CGNL1: variants seen among roughly 807,000 people sequenced by gnomAD.
The protein encoded by CGNL1 is cingulin-like protein 1.
CGNL1 carries 132 observed loss-of-function variants against 141.2 expected under a neutral mutation model. The ratio of observed to expected loss-of-function variants is 0.93; its 90% CI spans 0.81 to 1.08. The LOEUF is 1.08. Among genes scored for constraint, CGNL1 ranks in the 50% least tolerant of loss-of-function variants. The pLI is 0.00. For synonymous variants in CGNL1, 690 were observed against 622.1 expected, an observed-to-expected ratio of 1.11 and a Z score of -1.63; for missense variants, 1,870 against 1,588.6, an observed-to-expected ratio of 1.18 and a Z score of -3.01.
chr15:57,398,135 A>T (rs1268374836), intron 1 of CGNL1, among the ~76,000 whole-genome samples: 2 of 152,232 alleles, frequency 1.3e-5, no homozygotes, highest in African/African-American at 4.8e-5. Flanking sequence ...AAAAACCAAT[A>T]GATGCTTATT....
In CGNL1 at chr15:57,452,138, T is replaced by C. The variant is rs776935946; in HGVS notation, c.1906-3T>C. The C allele has an allele frequency of 6.2e-7, 1 of 1,611,030 alleles. No individual in the cohort carries two copies. The highest frequency in any genetic ancestry group is 1.3e-5 in the African/African-American group (1 of 74,726). ...TCTTTAAAATCACACTGATTCCTGT[T>C]AGAATCAACAGAACATTAAAGAAGA... On this transcript the variant is annotated splice_region_variant and splice_polypyrimidine_tract_variant and intron_variant, in intron 5 of 18. Transcript: ENST00000281282.
At chr15:57,482,852 T>G (rs1338377912) in intron 8 of CGNL1, among the ~76,000 whole-genome samples, 2 of 152,072 alleles carry the variant, frequency 1.3e-5, no homozygotes, top group African/African-American at 4.8e-5. Context: ...TGGCATGATC[T>G]CTGCTCACTG....
chr15:57,412,946 G>C (rs2062806832), intron 1 of CGNL1, among the ~76,000 whole-genome samples: 1 of 151,902 alleles, frequency 6.6e-6, no homozygotes, highest in Non-Finnish European at 1.5e-5. Flanking sequence ...TGCAACTTCT[G>C]CCTCCTGGGT....
intron 8 of CGNL1, among the ~76,000 whole-genome samples, chr15:57,467,311 G>A (rs2063521708): frequency 6.6e-6 from 1 of 152,154 alleles, no homozygotes; most frequent in African/African-American, 2.4e-5. Flanking sequence ...GAGGACTGCT[G>A]GCAATCACGA....
intron 8 of CGNL1, among the ~76,000 whole-genome samples, chr15:57,470,489 T>C (rs1425071212): frequency 3.3e-5 from 5 of 151,966 alleles, no homozygotes; most frequent in African/African-American, 4.8e-5. Context: ...GGCTGGGTAA[T>C]GGACAGATCT....
rs1327843358 is a variant in CGNL1, at chr15:57,453,821, A to G, written c.2190+3A>G. The stretch of plus-strand genomic sequence containing the variant: ...GGGAGAAGGGAGCTCTGATTGAGGT[A>G]AGCAGGGCTGTGGGGTCAGGTGATA... On this transcript the variant is annotated splice_donor_region_variant and intron_variant, in intron 7 of 18. Transcript: ENST00000281282. 1 of 1,613,112 alleles carries G rather than the reference A, an allele frequency of 6.2e-7. No homozygotes were observed.
chr15:57,518,039 C>T (rs1159991439), intron 9 of CGNL1, among the ~76,000 whole-genome samples: 2 of 150,872 alleles, frequency 1.3e-5, no homozygotes, highest in Middle Eastern at 3.2e-3. Context: ...GTGGCTCATG[C>T]CTGTAATTCC....
chr15:57,510,951 T>G (rs1353387220), intron 8 of CGNL1, among the ~76,000 whole-genome samples: 1 of 152,146 alleles, frequency 6.6e-6, no homozygotes, highest in African/African-American at 2.4e-5. Flanking sequence ...GAGGTACCCA[T>G]GAAAAGACAA....
rs1257898886 is a variant in CGNL1 at position 57,461,887 on chromosome 15, A to C, written c.2398A>C (p.Thr800Pro). 6.2e-7 allele frequency: 1 copy of C among 1,613,356 alleles called. No homozygotes were observed. Among genetic ancestry groups the C allele is most frequent in the Non-Finnish European group, 8.5e-7 (1 of 1,179,668 alleles). ...QALRESVEEA[T>P]KNVEVLASRS... ...CCTGAGGGAGAGTGTGGAAGAAGCA[A>C]CCAAGGTGAGGGATGGGGCAGGAGA... The change falls in exon 8 of 19, where the codon ACC (threonine) becomes CCC (proline). Residue 800 changes from threonine to proline, a missense_variant. Thr to Pro is a conservative substitution (Grantham distance 38). Transcript: ENST00000281282.
intron 1 of CGNL1, among the ~76,000 whole-genome samples, chr15:57,424,043 G>C (rs2062946630): frequency 6.6e-6 from 1 of 152,170 alleles, no homozygotes; most frequent in Non-Finnish European, 1.5e-5. Context: ...CGCCCCACTT[G>C]GGTCAAAACC....
chr15:57,428,945 C>A (rs540846035), intron 1 of CGNL1, among the ~76,000 whole-genome samples: 83 of 152,136 alleles, frequency 5.5e-4, no homozygotes, highest in African/African-American at 2.0e-3. Flanking sequence ...ATTGCTTGAA[C>A]CCAGGAGGCA....
chr15:57,398,246 T>C (rs1287071096), intron 1 of CGNL1: 3 of 152,258 alleles, frequency 2.0e-5, no homozygotes, highest in Non-Finnish European at 4.4e-5. Flanking sequence ...GTATATTTCT[T>C]TTTTCCCCTC....
At chr15:57,503,028 G>A (rs912696100) in intron 8 of CGNL1, among the ~76,000 whole-genome samples, 1 of 152,182 alleles carries the variant, frequency 6.6e-6, no homozygotes, top group Middle Eastern at 3.2e-3. Flanking sequence ...TTAAGCTACC[G>A]CCTAAGGACG....
intron 7 of CGNL1, among the ~76,000 whole-genome samples, chr15:57,458,803 T>G (rs1190348093): frequency 6.6e-6 from 1 of 152,162 alleles, no homozygotes; most frequent in Non-Finnish European, 1.5e-5. Context: ...GGGTATAATT[T>G]CATAAGATCT....
intron 13 of CGNL1, chr15:57,529,039 A>G (rs979506596): frequency 6.6e-6 from 3 of 455,022 alleles, no homozygotes; most frequent in African/African-American, 4.0e-5. Flanking sequence ...AAATTAGTCT[A>G]ACATTCTCAT....
chr15:57,472,091 A>G (rs897454792), intron 8 of CGNL1, among the ~76,000 whole-genome samples: 11 of 152,102 alleles, frequency 7.2e-5, no homozygotes, highest in African/African-American at 1.7e-4. Flanking sequence ...AAAAAAATAT[A>G]TACATGTGTA....
chr15:57,521,158 G>A (rs1217028880), intron 10 of CGNL1, among the ~76,000 whole-genome samples: 1 of 152,174 alleles, frequency 6.6e-6, no homozygotes, highest in Non-Finnish European at 1.5e-5. Context: ...TCGGAAAAAT[G>A]CAAAGTTGCC....
rs917329860 is a variant in CGNL1 at position 57,549,271 on chromosome 15, G to A, written c.*1781G>A. 1.3e-5 allele frequency: 2 copies of A among 152,502 alleles called. No individual in the cohort carries two copies. The highest frequency in any genetic ancestry group is 6.5e-5 in the Admixed American group (1 of 15,294). 9.4% of individuals were successfully genotyped at this position (152,502 alleles called of 1,614,324 possible). ...GAATATGGGACAGGACATGGTCAGGGAGAGGACCCTGTGAGTTGGTGACAT... is the reference window on the plus strand; with the variant it reads ...GAATATGGGACAGGACATGGTCAGGAAGAGGACCCTGTGAGTTGGTGACAT... On this transcript the variant is annotated 3_prime_UTR_variant, in exon 19 of 19. Coordinates refer to ENST00000281282, the MANE Select transcript of CGNL1 (RefSeq NM_032866.5).
At chr15:57,420,222 T>A (rs1346057909) in intron 1 of CGNL1, among the ~76,000 whole-genome samples, 4 of 152,212 alleles carry the variant, frequency 2.6e-5, no homozygotes, top group Admixed American at 2.6e-4. Flanking sequence ...ATTGGAGAAC[T>A]TGTTGGTATT....
Sources: gnomAD v4.1 joint callset for allele counts (sites outside exome capture counted in the v4.1 genomes callset) on GRCh38, gnomAD v4.1.1 for gene constraint, MANE v1.5 for transcripts, NCBI Gene and HGNC (gene_info 2026-07-23, HGNC 2026-07-21) for gene names.